Variants in MAF observed in about 807,000 individuals in gnomAD.
MAF encodes the protein transcription factor Maf.
A neutral mutation model predicts 22.0 loss-of-function variants in MAF; 10 were observed. That is an observed-to-expected ratio of 0.45 (90% CI 0.28 to 0.77). The LOEUF (loss-of-function observed/expected upper bound fraction) is 0.77. MAF is among the 30% of genes least tolerant of loss of function. The pLI is 0.12. For missense variants in MAF, 544 were observed against 548.4 expected (o/e 0.99, Z 0.08); for synonymous variants, 337 against 255.8 (o/e 1.32, Z -3.03).
the MAF span, among the ~76,000 whole-genome samples, chr16:79,223,806 C>T: frequency 6.6e-6 from 1 of 152,206 alleles, no homozygotes; most frequent in Non-Finnish European, 1.5e-5. Flanking sequence ...CAAGACTCAA[C>T]CAGGAAGAAG....
At chr16:79,209,927 T>A in the MAF span, among the ~76,000 whole-genome samples, 6 of 152,240 alleles carry the variant, frequency 3.9e-5, no homozygotes, top group South Asian at 1.2e-3. Context: ...GCCACACAAA[T>A]CAATGGGAAA....
chr16:79,321,366 T>C, the MAF span, among the ~76,000 whole-genome samples: 2 of 152,168 alleles, frequency 1.3e-5, no homozygotes, highest in Non-Finnish European at 2.9e-5. Flanking sequence ...GAATTTCAGA[T>C]AAACAGCAAG....
At chr16:79,439,362 T>C in the MAF span, among the ~76,000 whole-genome samples, 2 of 150,642 alleles carry the variant, frequency 1.3e-5, no homozygotes, top group Admixed American at 1.3e-4. Flanking sequence ...CCCGGGTTCA[T>C]GCCGTTCTCC....
the MAF span, among the ~76,000 whole-genome samples, chr16:79,332,943 A>G: frequency 6.6e-6 from 1 of 152,198 alleles, no homozygotes; most frequent in Admixed American, 6.5e-5. Context: ...TTTAAAGTCC[A>G]TGGTGTCTTT....
the MAF span, among the ~76,000 whole-genome samples, chr16:79,294,057 A>T: frequency 6.6e-5 from 10 of 152,328 alleles, no homozygotes; most frequent in Admixed American, 4.6e-4. Context: ...AGGGTAATTA[A>T]GATTCCATCA....
the MAF span, among the ~76,000 whole-genome samples, chr16:79,280,713 C>T: frequency 6.6e-6 from 1 of 152,328 alleles, no homozygotes; most frequent in Admixed American, 6.5e-5. Context: ...GAACCCACAT[C>T]TCCATCCACT....
the MAF span, chr16:79,212,976 A>C: frequency 6.6e-6 from 1 of 151,828 alleles, no homozygotes; most frequent in Non-Finnish European, 1.5e-5. Flanking sequence ...ACTTACTTAC[A>C]GTGAGTTATT....
chr16:79,557,175 T>TTTGTTTTA, the MAF span, among the ~76,000 whole-genome samples: 4,587 of 151,000 alleles, frequency 0.03, 126 homozygotes, highest in African/African-American at 0.061. Context: ...TAGTTTTTTT[T>TTTGTTTTA]ATTCAATTCC....
the MAF span, among the ~76,000 whole-genome samples, chr16:79,447,664 T>C: frequency 3.3e-5 from 5 of 152,150 alleles, no homozygotes; most frequent in African/African-American, 1.2e-4. Flanking sequence ...GATCAAAATA[T>C]AAACATTAAT....
At chr16:79,221,690 T>C in the MAF span, among the ~76,000 whole-genome samples, 8 of 152,212 alleles carry the variant, frequency 5.3e-5, no homozygotes, top group African/African-American at 1.4e-4. Flanking sequence ...TGTGTGTACA[T>C]GTGCATGAGT....
the MAF span, among the ~76,000 whole-genome samples, chr16:79,217,931 T>G: frequency 7.6e-6 from 1 of 131,140 alleles, no homozygotes; most frequent in African/African-American, 2.9e-5. Context: ...AGACTTGGCT[T>G]GCAATATCAC....
chr16:79,441,146 GA>G, the MAF span, among the ~76,000 whole-genome samples: 2 of 152,144 alleles, frequency 1.3e-5, no homozygotes, highest in Non-Finnish European at 2.9e-5. Flanking sequence ...TCCCCATCTT[GA>G]AAACAAAAGA....
chr16:79,498,921 A>G, the MAF span, among the ~76,000 whole-genome samples: 1 of 152,122 alleles, frequency 6.6e-6, no homozygotes, highest in African/African-American at 2.4e-5. Context: ...CTCTTAGGAG[A>G]GTCTAGTGGG....
chr16:79,208,381 CA>C, the MAF span, among the ~76,000 whole-genome samples: 32,173 of 149,072 alleles, frequency 0.22, 3,720 homozygotes, highest in African/African-American at 0.28. Context: ...GATTGATTCT[CA>C]AAAAAAAAAA....
the MAF span, among the ~76,000 whole-genome samples, chr16:79,516,688 A>T: frequency 2.0e-4 from 31 of 152,356 alleles, no homozygotes; most frequent in African/African-American, 7.5e-4. Flanking sequence ...TATTATTACC[A>T]TTTGGTAAAT....
At chr16:79,227,747 A>G in the MAF span, among the ~76,000 whole-genome samples, 2 of 152,058 alleles carry the variant, frequency 1.3e-5, no homozygotes, top group Non-Finnish European at 2.9e-5. Context: ...TTGGAAAACA[A>G]AATAATACAT....
the MAF span, among the ~76,000 whole-genome samples, chr16:79,426,434 G>A: frequency 6.6e-6 from 1 of 152,164 alleles, no homozygotes; most frequent in African/African-American, 2.4e-5. Flanking sequence ...ATAGAACTGT[G>A]ACAATTACAT....
At chr16:79,426,164 C>A in the MAF span, among the ~76,000 whole-genome samples, 1 of 151,896 alleles carries the variant, frequency 6.6e-6, no homozygotes, top group Admixed American at 6.5e-5. Context: ...CGAGATCGTG[C>A]CACTGCACTC....
chr16:79,450,534 A>T, the MAF span, among the ~76,000 whole-genome samples: 1 of 152,220 alleles, frequency 6.6e-6, no homozygotes, highest in South Asian at 2.1e-4. Flanking sequence ...CTGGCCTGAT[A>T]GCAAACTAGT....
Sources: gnomAD v4.1 joint callset for allele counts (sites outside exome capture counted in the v4.1 genomes callset) on GRCh38, gnomAD v4.1.1 for gene constraint, MANE v1.5 for transcripts, NCBI Gene and HGNC (gene_info 2026-07-23, HGNC 2026-07-21) for gene names.